ADGRG1: variants seen among roughly 807,000 people sequenced by gnomAD.
The protein encoded by ADGRG1 is 7-transmembrane protein with no EGF-like N-terminal domains-1.
In ADGRG1, 53 loss-of-function variants were observed where a neutral mutation model predicts 73.5. The ratio of observed to expected loss-of-function variants is 0.72; its 90% CI spans 0.58 to 0.91. ADGRG1 has a LOEUF of 0.91. ADGRG1 is among the 40% of genes least tolerant of loss of function. The probability of loss-of-function intolerance (pLI) is 0.00; values close to 1 mark genes in which losing one functional copy is unlikely to be tolerated. For missense variants in ADGRG1, 795 were observed against 871.8 expected (o/e 0.91, Z 1.11); for synonymous variants, 394 against 374.4 (o/e 1.05, Z -0.60).
intron 2 of ADGRG1, chr16:57,621,951 G>A: frequency 1.2e-6 from 1 of 834,030 alleles, no homozygotes; most frequent in Non-Finnish European, 1.4e-6. Flanking sequence ...CTCCACTGGG[G>A]GAATTTGGAT....
intron 12 of ADGRG1, 123 bp from the exon 13 acceptor site, chr16:57,661,574 A>G (rs1567818391): frequency 5.3e-6 from 8 of 1,518,196 alleles, no homozygotes; most frequent in South Asian, 3.7e-5. Context: ...TCAACACTGT[A>G]AATAGAAAAC....
chr16:57,656,327 TGGG>T, intron 8 of ADGRG1, 56 bp downstream of exon 8: 1 of 1,074,944 alleles, frequency 9.3e-7, no homozygotes, highest in Non-Finnish European at 1.3e-6. Context: ...AATAGAGTCC[TGGG>T]GGGTGGGGGA....
At position 57,636,586 on chromosome 16, in the gene ADGRG1, G is replaced by A. The variant is rs935337570; in HGVS notation, c.-36+7784G>A. ...ATCCCCTACCCCTCACATAGCCTGA[G>A]TGGCACTTTTGGGTTGGATCTTCTA... On this transcript the variant is annotated intron_variant, in intron 1 of 13. Transcript: ENST00000562631. 3.0e-6 allele frequency: 3 copies of A among 985,030 alleles called. No individual in the cohort carries two copies. The African/African-American group carries it at 5.2e-5, about 17-fold the overall frequency. The allele number at this position is 985,030 out of a possible 1,614,324, so 61.0% of individuals were successfully genotyped here. A position where few individuals can be genotyped will look rare whatever the true frequency, so the allele number is the denominator to read the frequency against.
At chr16:57,629,853 C>T (rs557135983) in intron 1 of ADGRG1, 3 of 201,474 alleles carry the variant, frequency 1.5e-5, no homozygotes, top group Non-Finnish European at 2.7e-5. Flanking sequence ...CGTCCCCAAC[C>T]CACCTCCCCT....
intron 1 of ADGRG1, chr16:57,634,330 G>C (rs2038808164): frequency 1.0e-6 from 1 of 985,284 alleles, no homozygotes; most frequent in Admixed American, 6.1e-5. Flanking sequence ...TGAGCCCAAG[G>C]GGCTGGCAGG....
At chr16:57,630,617 C>A in intron 1 of ADGRG1, 1 of 714,174 alleles carries the variant, frequency 1.4e-6, no homozygotes, top group Non-Finnish European at 1.7e-6. Flanking sequence ...TGGGCAAGGG[C>A]CAGTCAGCCT....
chr16:57,643,510 T>A, intron 1 of ADGRG1: 3 of 954,098 alleles, frequency 3.1e-6, no homozygotes, highest in Non-Finnish European at 3.7e-6. Flanking sequence ...GCTCAAGCAC[T>A]TGGTTGGACC....
chr16:57,629,699 G>A (rs1330968060), intron 1 of ADGRG1, among the ~76,000 whole-genome samples: 1 of 152,174 alleles, frequency 6.6e-6, no homozygotes, highest in Non-Finnish European at 1.5e-5. Flanking sequence ...ACAGGCAGAC[G>A]GGGAAGCGCA....
chr16:57,661,269 C>G (rs1265186302), intron 12 of ADGRG1: 1 of 984,968 alleles, frequency 1.0e-6, no homozygotes, highest in African/African-American at 1.7e-5. Context: ...GTGTGCTGTT[C>G]GGAGGCAGAG....
chr16:57,630,345 G>T (rs1567674738), intron 1 of ADGRG1: 4 of 984,904 alleles, frequency 4.1e-6, no homozygotes, highest in African/African-American at 1.7e-5. Flanking sequence ...GGTGTGGAAT[G>T]AGCTCTTAGG....
At chr16:57,641,882 C>CT (rs1181269177) in intron 1 of ADGRG1, 30 of 177,418 alleles carry the variant, frequency 1.7e-4, no homozygotes, top group Non-Finnish European at 2.8e-4. Flanking sequence ...TTCTTCTTTT[C>CT]TTTTTTTTGT....
upstream of ADGRG1, chr16:57,628,585 G>A (rs1036081708): frequency 5.1e-6 from 5 of 985,432 alleles, no homozygotes; most frequent in African/African-American, 8.7e-5. Context: ...GCTGGGGCAG[G>A]AGAGGGGTGT....
At chr16:57,630,668 C>T (rs2037591159) in intron 1 of ADGRG1, 1 of 348,680 alleles carries the variant, frequency 2.9e-6, no homozygotes, top group Admixed American at 6.4e-5. Flanking sequence ...AACAAACAAA[C>T]AACAGTTAGG....
At chr16:57,656,126 G>A in intron 7 of ADGRG1, 100 bp from the exon 8 acceptor site, 1 of 1,613,510 alleles carries the variant, frequency 6.2e-7, no homozygotes, top group Non-Finnish European at 8.5e-7. Context: ...AATGGGGCGG[G>A]TGGTGGCTTG....
chr16:57,620,264 GC>G (rs1351113773), upstream of ADGRG1: 1 of 152,496 alleles, frequency 6.6e-6, no homozygotes, highest in Non-Finnish European at 1.5e-5. Flanking sequence ...GTGTGGCCTG[GC>G]CCTTGGCCTG....
chr16:57,627,701 C>T (rs73548802), upstream of ADGRG1: 36 of 709,800 alleles, frequency 5.1e-5, no homozygotes, highest in African/African-American at 7.1e-4. Flanking sequence ...CCCAGCACAT[C>T]TGACTGAGGA....
chr16:57,647,318 C>G (rs2042921129), intron 1 of ADGRG1: 1 of 984,776 alleles, frequency 1.0e-6, no homozygotes, highest in South Asian at 4.7e-5. Flanking sequence ...AAGAATTTCC[C>G]CTCAAGGTGC....
At chr16:57,649,543 G>A (rs1467691433) in intron 1 of ADGRG1, among the ~76,000 whole-genome samples, 1 of 152,100 alleles carries the variant, frequency 6.6e-6, no homozygotes, top group Admixed American at 6.5e-5. Context: ...GAGGTAGCTG[G>A]GGAGAACTCT....
At position 57,653,192 on chromosome 16, in the gene ADGRG1, C is replaced by T. The variant is rs370192292; in HGVS notation, c.488-11C>T. ...GCAGCCTCGGCGGGGGCCTGTCCACCCCTCCCCCAGGTCCTCCCCACACGG... is the reference window on the plus strand; with the variant it reads ...GCAGCCTCGGCGGGGGCCTGTCCACTCCTCCCCCAGGTCCTCCCCACACGG... On this transcript the variant is annotated splice_polypyrimidine_tract_variant and intron_variant, in intron 3 of 13. Transcript: ENST00000562631. 35 of 1,606,768 alleles carry T rather than the reference C, an allele frequency of 2.2e-5. 1 individual carries two copies. In the South Asian group the frequency reaches 2.9e-4, roughly 13 times the overall value.
Sources: gnomAD v4.1 joint callset for allele counts (sites outside exome capture counted in the v4.1 genomes callset) on GRCh38, gnomAD v4.1.1 for gene constraint, MANE v1.5 for transcripts, NCBI Gene and HGNC (gene_info 2026-07-23, HGNC 2026-07-21) for gene names.